The following STK32A variants were observed in gnomAD, a reference collection of about 807,000 sequenced individuals.
The protein encoded by STK32A is serine/threonine kinase 32A, also known as serine/threonine-protein kinase 32A.
In STK32A, 41 loss-of-function variants were observed where a neutral mutation model predicts 53.2. The observed-to-expected ratio is 0.77, with a 90% confidence interval of 0.60 to 1.00. The LOEUF (loss-of-function observed/expected upper bound fraction) is 1.00. Ranked by LOEUF, STK32A falls within the 50% of genes least tolerant of loss-of-function variation. The pLI is 0.00. For synonymous variants in STK32A, 166 were observed against 162.8 expected, an observed-to-expected ratio of 1.02 and a Z score of -0.15; for missense variants, 458 against 485.8, an observed-to-expected ratio of 0.94 and a Z score of 0.54.
chr5:147,251,732 C>T lies in STK32A; in HGVS notation c.52+12046C>T, dbSNP rs528516154. On this transcript the variant is annotated intron_variant, in intron 2 of 12. Coordinates refer to ENST00000397936, the MANE Select transcript of STK32A (RefSeq NM_001112724.2). The stretch of plus-strand genomic sequence containing the variant: ...TCATCTTCGCTTCTGCCGTAACTCA[C>T]ATGCATATGCCTTAGACCACATTAT... Among the ~76,000 whole-genome samples, 3 of 152,188 alleles carry T rather than the reference C, an allele frequency of 2.0e-5. No individual in the cohort carries two copies. The South Asian group carries it at 6.2e-4, about 32-fold the overall frequency.
At chr5:147,238,866 TAAC>T (rs1453297162) in intron 1 of STK32A, among the ~76,000 whole-genome samples, 1 of 151,942 alleles carries the variant, frequency 6.6e-6, no homozygotes, top group African/African-American at 2.4e-5. Flanking sequence ...TAATATATAT[TAAC>T]AAAGAGTTGT....
rs1157238364 is a variant in STK32A, at chr5:147,260,081, G to A, written c.53-18043G>A. Among the ~76,000 whole-genome samples, 3 of 74,868 alleles carry A rather than the reference G, an allele frequency of 4.0e-5. No individual in the cohort carries two copies. The South Asian group carries it at 1.3e-3, about 33-fold the overall frequency. 49.1% of individuals were successfully genotyped at this position (74,868 alleles called of 152,430 possible). A position where few individuals can be genotyped will look rare whatever the true frequency, so the allele number is the denominator to read the frequency against. ...CTCTCTCCCCTCTCTCCTGTCTCTC[G>A]CTCTCCTCTGTCTCTGTCTCTGTCT... On this transcript the variant is annotated intron_variant, in intron 2 of 12. Transcript: ENST00000397936.
downstream of STK32A, among the ~76,000 whole-genome samples, chr5:147,389,495 C>A (rs905561029): frequency 1.3e-5 from 2 of 152,110 alleles, no homozygotes; most frequent in African/African-American, 4.8e-5. Flanking sequence ...GTCTTTTTAG[C>A]GGGAACTATT....
intron 2 of STK32A, among the ~76,000 whole-genome samples, chr5:147,254,353 T>C (rs1754130185): frequency 6.6e-6 from 1 of 152,214 alleles, no homozygotes; most frequent in Non-Finnish European, 1.5e-5. Context: ...ATTTTGGGGC[T>C]AATAAGGATT....
chr5:147,324,354 T>C (rs1754475133), intron 5 of STK32A, among the ~76,000 whole-genome samples: 1 of 152,150 alleles, frequency 6.6e-6, no homozygotes, highest in African/African-American at 2.4e-5. Flanking sequence ...AGGTGACATA[T>C]AGAAACCTAA....
intron 5 of STK32A, among the ~76,000 whole-genome samples, chr5:147,340,202 T>A (rs1037455946): frequency 6.6e-6 from 1 of 152,220 alleles, no homozygotes; most frequent in African/African-American, 2.4e-5. Context: ...ATCTTATTTC[T>A]ATCAGTGGGG....
rs1757193707 is a variant in STK32A at position 147,375,361 on chromosome 5, A to G, written c.1032+143A>G. The G allele has an allele frequency of 3.8e-6, 4 of 1,057,250 alleles. No homozygotes were observed. The African/African-American group carries it at 6.5e-5, about 17-fold the overall frequency. The allele number at this position is 1,057,250 out of a possible 1,614,324, so 65.5% of individuals were successfully genotyped here. A position where few individuals can be genotyped will look rare whatever the true frequency, so the allele number is the denominator to read the frequency against. The stretch of plus-strand genomic sequence containing the variant: ...GGAGAAGTAGATCAGCCGGGTTTCT[A>G]AAAGGGCAGACCAGAGCTCCTCTGA... On this transcript the variant is annotated intron_variant, in intron 11 of 12. Transcript: ENST00000397936.
At chr5:147,351,643 T>C (rs1047971833) in intron 7 of STK32A, among the ~76,000 whole-genome samples, 1 of 152,070 alleles carries the variant, frequency 6.6e-6, no homozygotes, top group Non-Finnish European at 1.5e-5. Context: ...GGTCAAAAGA[T>C]TGAGACCATC....
At chr5:147,396,596 G>A in the STK32A span, among the ~76,000 whole-genome samples, 1 of 152,180 alleles carries the variant, frequency 6.6e-6, no homozygotes, top group Admixed American at 6.5e-5. Flanking sequence ...CAGCACAGAA[G>A]CCGAGCCCAT....
At chr5:147,392,608 C>T (rs564124459), downstream of STK32A, 4 of 152,294 alleles carry the variant, frequency 2.6e-5, no homozygotes, top group South Asian at 6.2e-4. Flanking sequence ...GGACTTGCTC[C>T]AAAACTGAAT....
At chr5:147,320,292 C>CT (rs1427248422) in intron 4 of STK32A, among the ~76,000 whole-genome samples, 1 of 151,988 alleles carries the variant, frequency 6.6e-6, no homozygotes, top group African/African-American at 2.4e-5. Context: ...TTTCTTTTTT[C>CT]TTTTTACTTC....
chr5:147,271,328 T>C (rs1755021875), intron 2 of STK32A, among the ~76,000 whole-genome samples: 1 of 152,206 alleles, frequency 6.6e-6, no homozygotes, highest in Non-Finnish European at 1.5e-5. Flanking sequence ...GTCTTTACTT[T>C]AATCTCTTAA....
At chr5:147,381,576 G>T (rs1281249614) in intron 11 of STK32A, among the ~76,000 whole-genome samples, 1 of 151,764 alleles carries the variant, frequency 6.6e-6, no homozygotes, top group African/African-American at 2.4e-5. Flanking sequence ...CCAAGAGGAG[G>T]AGGTTGCAGT....
intron 4 of STK32A, among the ~76,000 whole-genome samples, chr5:147,315,189 G>A (rs1460913224): frequency 2.6e-5 from 4 of 152,308 alleles, no homozygotes; most frequent in African/African-American, 4.8e-5. Context: ...GTTAAACATA[G>A]AGTTTCCATT....
intron 2 of STK32A, among the ~76,000 whole-genome samples, chr5:147,249,333 G>A (rs977579932): frequency 2.0e-5 from 3 of 152,040 alleles, no homozygotes; most frequent in Non-Finnish European, 4.4e-5. Flanking sequence ...TAAAAAAATT[G>A]TCCAGGTAAA....
intron 2 of STK32A, among the ~76,000 whole-genome samples, chr5:147,257,236 G>A (rs1754274848): frequency 6.6e-6 from 1 of 150,478 alleles, no homozygotes; most frequent in Non-Finnish European, 1.5e-5. Flanking sequence ...CAGCATAAAA[G>A]CTCTACGTCG....
chr5:147,275,145 T>C (rs1488436726), intron 2 of STK32A, among the ~76,000 whole-genome samples: 1 of 152,192 alleles, frequency 6.6e-6, no homozygotes, highest in Admixed American at 6.5e-5. Context: ...ATAGTACTGT[T>C]AGATTTCTGT....
chr5:147,242,478 G>A (rs1753622148), intron 2 of STK32A, among the ~76,000 whole-genome samples: 1 of 151,750 alleles, frequency 6.6e-6, no homozygotes, highest in Non-Finnish European at 1.5e-5. Flanking sequence ...ATGACTCCTA[G>A]TGATCTTACA....
At chr5:147,271,350 C>T (rs1755023041) in intron 2 of STK32A, among the ~76,000 whole-genome samples, 1 of 152,060 alleles carries the variant, frequency 6.6e-6, no homozygotes, top group African/African-American at 2.4e-5. Context: ...CCTGTCATCT[C>T]GTAAGCTGAG....
Sources: allele counts gnomAD v4.1 joint callset (sites outside exome capture counted in the v4.1 genomes callset), GRCh38; gene constraint gnomAD v4.1.1; transcripts MANE v1.5; gene names NCBI Gene and HGNC (gene_info 2026-07-23, HGNC 2026-07-21).